BCL11A: variants seen among roughly 807,000 people sequenced by gnomAD.
BCL11A encodes the protein BCL11 transcription factor A.
Under a neutral mutation model 55.9 loss-of-function variants are expected in BCL11A, and 2 were observed. That is an observed-to-expected ratio of 0.04 (90% CI 0.01 to 0.11). The LOEUF (loss-of-function observed/expected upper bound fraction) is 0.11. Among genes scored for constraint, BCL11A ranks in the 10% least tolerant of loss-of-function variants. The pLI, the probability that BCL11A is intolerant of heterozygous loss-of-function variation, is 1.00. For missense variants in BCL11A, 817 were observed against 1,137.1 expected (o/e 0.72, Z 4.05); for synonymous variants, 465 against 473.4 (o/e 0.98, Z 0.23).
intron 2 of BCL11A, among the ~76,000 whole-genome samples, chr2:60,517,727 A>T (rs956967999): frequency 2.0e-5 from 3 of 152,250 alleles, no homozygotes; most frequent in Non-Finnish European, 4.4e-5. Context: ...ACTGCCTAGC[A>T]AGTAGACTCT....
intron 2 of BCL11A, among the ~76,000 whole-genome samples, chr2:60,495,999 G>A (rs944709142): frequency 3.9e-5 from 6 of 152,100 alleles, no homozygotes; most frequent in Admixed American, 3.9e-4. Context: ...CTGCAGCTCT[G>A]GAAAAGAGAA....
chr2:60,462,270 A>T lies in BCL11A; in HGVS notation c.642T>A (p.Pro214=), dbSNP rs1463559128. Residue 214 remains proline (P), a synonymous_variant, in exon 4 of 4, where the codon CCT becomes CCA. Transcript: ENST00000642384. ...GSPLTPRVGI[P]SGLGAECPSQ... is the part of the protein sequence containing the mutation. ...AAGGACATTCTGCACCTAGTCCTGA[A>T]GGGATACCAACCCGCGGGGTCAGGG... is the stretch of plus-strand genomic sequence containing the variant. The T allele has an allele frequency of 6.2e-7, 1 of 1,613,966 alleles. No individual in the cohort carries two copies. The highest frequency in any genetic ancestry group is 1.3e-5 in the African/African-American group (1 of 74,896).
intron 2 of BCL11A, among the ~76,000 whole-genome samples, chr2:60,491,879 G>C (rs962492312): frequency 1.3e-5 from 2 of 152,138 alleles, no homozygotes; most frequent in Non-Finnish European, 2.9e-5. Flanking sequence ...ACCCAAATAG[G>C]TTCAGAAAAG....
Position 60,458,100 on chromosome 2 carries a change from T to C in BCL11A, c.*2304A>G, listed in dbSNP as rs960621303. On this transcript the variant is annotated 3_prime_UTR_variant, in exon 4 of 4. Transcript: ENST00000642384. ...TAAGAGAACAAGCAACAGTTAAAAA[T>C]ACAAGCTTCAATATAAATACTATAG... 1.9e-6 allele frequency: 2 copies of C among 1,032,200 alleles called. No individual in the cohort carries two copies. The highest frequency in any genetic ancestry group is 2.3e-6 in the Non-Finnish European group (2 of 858,010). 63.9% of individuals were successfully genotyped at this position (1,032,200 alleles called of 1,614,324 possible). A position where few individuals can be genotyped will look rare whatever the true frequency, so the allele number is the denominator to read the frequency against.
intron 2 of BCL11A, chr2:60,545,651 G>A (rs572345648): frequency 3.5e-4 from 109 of 308,234 alleles, no homozygotes; most frequent in Admixed American, 1.6e-3. Flanking sequence ...GCTGGACTAG[G>A]TGTAGTAAAG....
chr2:60,500,860 G>A (rs1191822194), intron 2 of BCL11A, among the ~76,000 whole-genome samples: 2 of 152,166 alleles, frequency 1.3e-5, no homozygotes, highest in Admixed American at 6.5e-5. Flanking sequence ...CCAAGCCTCA[G>A]TTTCTTCACT....
chr2:60,487,793 G>A (rs1678368008), intron 2 of BCL11A, among the ~76,000 whole-genome samples: 1 of 152,216 alleles, frequency 6.6e-6, no homozygotes, highest in Non-Finnish European at 1.5e-5. Context: ...GGAAGCTGCA[G>A]AAAGGTGAAA....
At chr2:60,490,468 C>T (rs367929362) in intron 2 of BCL11A, among the ~76,000 whole-genome samples, 1 of 152,196 alleles carries the variant, frequency 6.6e-6, no homozygotes, top group East Asian at 1.9e-4. Flanking sequence ...AAATCCCTTC[C>T]GTTCTCATTT....
intron 2 of BCL11A, among the ~76,000 whole-genome samples, chr2:60,492,498 T>C (rs573596415): frequency 2.0e-5 from 3 of 152,222 alleles, no homozygotes; most frequent in Non-Finnish European, 4.4e-5. Context: ...GCTGGAATTC[T>C]AGGAAAACAG....
downstream of BCL11A, among the ~76,000 whole-genome samples, chr2:60,454,286 T>C (rs70953656): frequency 2.9e-3 from 441 of 152,344 alleles, 2 homozygotes; most frequent in African/African-American, 9.5e-3. Flanking sequence ...TCGTTTATTT[T>C]CTATTGGGAA....
At chr2:60,549,760 A>G (rs1429300699) in intron 1 of BCL11A, 1 of 151,842 alleles carries the variant, frequency 6.6e-6, no homozygotes, top group Non-Finnish European at 1.5e-5. Context: ...GGTTTGGAAA[A>G]CCCGGCTGGT....
intron 2 of BCL11A, chr2:60,495,710 C>T (rs1045869293): frequency 6.6e-6 from 1 of 152,126 alleles, no homozygotes; most frequent in Non-Finnish European, 1.5e-5. Context: ...TGGAGCTTCC[C>T]TAAAAGTCAA....
At chr2:60,510,578 T>C (rs1040864691) in intron 2 of BCL11A, among the ~76,000 whole-genome samples, 1 of 152,222 alleles carries the variant, frequency 6.6e-6, no homozygotes, top group Non-Finnish European at 1.5e-5. Flanking sequence ...ACATATTTAT[T>C]GGTGCATCTT....
intron 1 of BCL11A, 75 bp downstream of exon 1, chr2:60,553,141 C>T: frequency 6.8e-7 from 1 of 1,461,322 alleles, no homozygotes. Context: ...CCCTCTCTCC[C>T]CCTCGCTTTT....
intron 3 of BCL11A, among the ~76,000 whole-genome samples, chr2:60,465,798 G>C (rs939115128): frequency 1.3e-5 from 2 of 152,194 alleles, no homozygotes; most frequent in Non-Finnish European, 2.9e-5. Flanking sequence ...ATGTGAATGT[G>C]AGTTTTCATT....
chr2:60,501,448 G>A (rs545273254), intron 2 of BCL11A, among the ~76,000 whole-genome samples: 117 of 151,790 alleles, frequency 7.7e-4, no homozygotes, highest in African/African-American at 2.3e-3. Flanking sequence ...GTTCTCTTTC[G>A]GGTGCTTCCC....
chr2:60,482,588 C>T (rs1339336262), intron 2 of BCL11A, among the ~76,000 whole-genome samples: 2 of 152,162 alleles, frequency 1.3e-5, no homozygotes, highest in Non-Finnish European at 2.9e-5. Flanking sequence ...GCACTTCTCG[C>T]GTATGTGAAG....
intron 2 of BCL11A, among the ~76,000 whole-genome samples, chr2:60,495,920 TGA>T (rs1678919468): frequency 6.6e-6 from 1 of 151,998 alleles, no homozygotes; most frequent in African/African-American, 2.4e-5. Context: ...GTCATTTTTC[TGA>T]GAGTCTCTAA....
intron 2 of BCL11A, among the ~76,000 whole-genome samples, chr2:60,505,608 C>T (rs1679544134): frequency 6.6e-6 from 1 of 152,222 alleles, no homozygotes; most frequent in Non-Finnish European, 1.5e-5. Context: ...TCCTCCAGCT[C>T]CCTAAGCTGT....
Sources: allele counts gnomAD v4.1 joint callset (sites outside exome capture counted in the v4.1 genomes callset), GRCh38; gene constraint gnomAD v4.1.1; transcripts MANE v1.5; gene names NCBI Gene and HGNC (gene_info 2026-07-23, HGNC 2026-07-21).